Variants in GSE1 observed in about 807,000 individuals in gnomAD.
GSE1 encodes Gse1 coiled-coil protein.
In GSE1, 32 loss-of-function variants were observed where a neutral mutation model predicts 112.6. That is an observed-to-expected ratio of 0.28 (90% CI 0.21 to 0.38). The LOEUF is 0.38. GSE1 is among the 10% of genes least tolerant of loss of function. GSE1 has a pLI of 1.00. For missense variants in GSE1, 2,348 were observed against 1,699.2 expected (o/e 1.38, Z -6.71); for synonymous variants, 1,115 against 735.6 (o/e 1.52, Z -8.35).
chr16:85,343,286 C>T (rs763077224), intron 1 of GSE1, among the ~76,000 whole-genome samples: 7 of 152,286 alleles, frequency 4.6e-5, no homozygotes, highest in East Asian at 3.9e-4. Context: ...ATTTCCATTA[C>T]GTGCTTGAGG....
rs2051985620 is a variant in GSE1 at position 85,656,682 on chromosome 16, G to T, written c.1312+17G>T. ...CCCGAGCAGGTACCTGGGCGTGGGT[G>T]GGCTGTGCTGGGCAAGGTCTCAGCC... On this transcript the variant is annotated intron_variant, in intron 7 of 15. Transcript: ENST00000253458. The T allele has an allele frequency of 6.8e-7, 1 of 1,477,554 alleles. No homozygotes were observed. The allele number at this position is 1,477,554 out of a possible 1,614,324, so 91.5% of individuals were successfully genotyped here.
At chr16:85,447,030 C>G (rs983556441) in intron 2 of GSE1, among the ~76,000 whole-genome samples, 8 of 152,290 alleles carry the variant, frequency 5.3e-5, no homozygotes, top group African/African-American at 1.9e-4. Flanking sequence ...AGCTGAGCCT[C>G]TATTTTGAGC....
At position 85,615,822 on chromosome 16, in the gene GSE1, C is replaced by T. The variant is rs547509771; in HGVS notation, c.7+2424C>T. Among the ~76,000 whole-genome samples, 12 of 152,358 alleles carry T rather than the reference C, an allele frequency of 7.9e-5. 1 individual carries two copies. In the South Asian group the frequency reaches 2.5e-3, roughly 32 times the overall value. ...TCCAAGCCCAGTTAAGCCACAGCCTCTGGGTTCCTGACCCGGGTCTGGGGG... is the reference window on the plus strand; with the variant it reads ...TCCAAGCCCAGTTAAGCCACAGCCTTTGGGTTCCTGACCCGGGTCTGGGGG... On this transcript the variant is annotated intron_variant, in intron 1 of 15. Coordinates refer to ENST00000253458, the MANE Select transcript of GSE1 (RefSeq NM_014615.5).
chr16:85,240,022 C>G (rs1378010719), intron 1 of GSE1, among the ~76,000 whole-genome samples: 1 of 152,222 alleles, frequency 6.6e-6, no homozygotes, highest in Non-Finnish European at 1.5e-5. Context: ...ACAACCCTGG[C>G]TCAAGGGCCT....
At chr16:85,410,899 C>A (rs367855739) in intron 2 of GSE1, among the ~76,000 whole-genome samples, 5 of 86,988 alleles carry the variant, frequency 5.7e-5, no homozygotes, top group Non-Finnish European at 8.2e-5. Flanking sequence ...TGATAATCCT[C>A]GCTGTTACAC....
rs192625500 is a variant in GSE1 at position 85,594,851 on chromosome 16, C to G, written c.37+38488C>G. The stretch of plus-strand genomic sequence containing the variant: ...TGCCCGCTCCCGGGGAGGGCGCCAG[C>G]GCCGCTCACCTTGGGCATCATTGGA... On this transcript the variant is annotated intron_variant, in intron 1 of 2. Transcript: ENST00000635906. 3 of 152,434 alleles carry G rather than the reference C, an allele frequency of 2.0e-5. No individual in the cohort carries two copies. The South Asian group carries it at 6.2e-4, about 32-fold the overall frequency. The allele number at this position is 152,434 out of a possible 1,614,324, so 9.4% of individuals were successfully genotyped here. A position where few individuals can be genotyped will look rare whatever the true frequency, so the allele number is the denominator to read the frequency against.
intron 2 of GSE1, among the ~76,000 whole-genome samples, chr16:85,456,423 T>A (rs533761909): frequency 5.3e-5 from 8 of 152,212 alleles, no homozygotes; most frequent in African/African-American, 1.9e-4. Context: ...GCCTTCCAGA[T>A]TATGCTCTGG....
intron 1 of GSE1, among the ~76,000 whole-genome samples, chr16:85,626,232 AC>A (rs1481005804): frequency 6.6e-6 from 1 of 151,424 alleles, no homozygotes; most frequent in Non-Finnish European, 1.5e-5. Context: ...CCTTGCCTCC[AC>A]CCCCAAGAAA....
chr16:85,208,735 T>C (rs2075164782), intron 1 of GSE1, among the ~76,000 whole-genome samples: 1 of 149,632 alleles, frequency 6.7e-6, no homozygotes, highest in South Asian at 2.1e-4. Flanking sequence ...CGCAGTTGAC[T>C]GCTGCCCGCT....
intron 2 of GSE1, among the ~76,000 whole-genome samples, chr16:85,465,375 C>A (rs1387954994): frequency 6.6e-6 from 1 of 152,232 alleles, no homozygotes; most frequent in Non-Finnish European, 1.5e-5. Context: ...CAGCGCCAGG[C>A]CTGGGCTCCC....
intron 2 of GSE1, among the ~76,000 whole-genome samples, chr16:85,385,562 G>C (rs912857246): frequency 6.6e-6 from 1 of 152,206 alleles, no homozygotes; most frequent in South Asian, 2.1e-4. Flanking sequence ...TGGAACCCTG[G>C]TGGAGGAGGG....
chr16:85,627,134 A>G (rs1452464700), intron 1 of GSE1, among the ~76,000 whole-genome samples: 1 of 99,100 alleles, frequency 1.0e-5, no homozygotes, highest in African/African-American at 4.1e-5. Context: ...AGGAGAAAGT[A>G]TTGATTCAAG....
intron 2 of GSE1, among the ~76,000 whole-genome samples, chr16:85,520,642 T>G (rs2052152104): frequency 6.6e-6 from 1 of 151,936 alleles, no homozygotes; most frequent in Non-Finnish European, 1.5e-5. Flanking sequence ...AGGCTGGTCT[T>G]GAACTCCTAA....
At chr16:85,422,355 G>C (rs1324569802) in intron 2 of GSE1, among the ~76,000 whole-genome samples, 3 of 146,088 alleles carry the variant, frequency 2.1e-5, no homozygotes, top group African/African-American at 7.3e-5. Context: ...TCTGCGGGAA[G>C]GAGCTGGGCG....
intron 2 of GSE1, among the ~76,000 whole-genome samples, chr16:85,462,833 G>C (rs1442077147): frequency 6.8e-6 from 1 of 146,756 alleles, no homozygotes; most frequent in East Asian, 2.0e-4. Context: ...GGCGTGAGCG[G>C]CTGCGGGGCC....
intron 1 of GSE1, among the ~76,000 whole-genome samples, chr16:85,590,342 C>G (rs1258080679): frequency 7.1e-6 from 1 of 139,906 alleles, no homozygotes; most frequent in Non-Finnish European, 1.5e-5. Flanking sequence ...GTGTGATTAA[C>G]GCGTGGGCCT....
chr16:85,331,179 C>G (rs991168703), intron 1 of GSE1, among the ~76,000 whole-genome samples: 1 of 149,868 alleles, frequency 6.7e-6, no homozygotes, highest in Non-Finnish European at 1.5e-5. Flanking sequence ...TTGAGACCGA[C>G]TCTCACTGTG....
intron 2 of GSE1, among the ~76,000 whole-genome samples, chr16:85,516,061 A>G: frequency 6.6e-6 from 1 of 152,252 alleles, no homozygotes; most frequent in South Asian, 2.1e-4. Context: ...GCCTGGGGGT[A>G]GTGGCATCCC....
In GSE1 at chr16:85,569,961, C is replaced by G. The variant is rs1338169489; in HGVS notation, c.37+13598C>G. On this transcript the variant is annotated intron_variant, in intron 1 of 2. Coordinates refer to the GSE1 transcript ENST00000635906. ...AGGGGGTGGAGGTGGGGGTTTCAATCCCCGCCTCTGTCGGAGGAGGACAGA... is the reference window on the plus strand; with the variant it reads ...AGGGGGTGGAGGTGGGGGTTTCAATGCCCGCCTCTGTCGGAGGAGGACAGA... Among the ~76,000 whole-genome samples the G allele has an allele frequency of 3.9e-5, 6 of 152,306 alleles. No individual in the cohort carries two copies. In the South Asian group the frequency reaches 1.2e-3, roughly 32 times the overall value.
Sources: allele counts gnomAD v4.1 joint callset (sites outside exome capture counted in the v4.1 genomes callset), GRCh38; gene constraint gnomAD v4.1.1; transcripts MANE v1.5; gene names NCBI Gene and HGNC (gene_info 2026-07-23, HGNC 2026-07-21).